Variants in POLA1 observed in about 807,000 individuals in gnomAD.
The protein encoded by POLA1 is DNA polymerase alpha catalytic subunit.
In POLA1, 15 loss-of-function variants were observed where a neutral mutation model predicts 124.0. That is an observed-to-expected ratio of 0.12 (90% CI 0.08 to 0.19). POLA1 has a LOEUF of 0.19. Among genes scored for constraint, POLA1 ranks in the 10% least tolerant of loss-of-function variants. POLA1 has a pLI of 1.00. For missense variants in POLA1, 886 were observed against 1,103.4 expected (o/e 0.80, Z 2.79); for synonymous variants, 408 against 389.4 (o/e 1.05, Z -0.56).
chrX:24,834,300 A>G (rs1310921202), intron 32 of POLA1, among the ~76,000 whole-genome samples: 1 of 111,689 alleles, frequency 9.0e-6, no homozygotes, highest in Admixed American at 9.5e-5. Context: ...CTTCTCCAGG[A>G]AAATAAAAAT....
chrX:24,721,685 G>A (rs996306420), intron 10 of POLA1, among the ~76,000 whole-genome samples: 5 of 111,947 alleles, frequency 4.5e-5, no homozygotes, highest in Non-Finnish European at 9.4e-5. Flanking sequence ...AATCCTGACT[G>A]CACCTGGTTT....
intron 34 of POLA1, among the ~76,000 whole-genome samples, chrX:24,854,008 A>G (rs1254930604): frequency 8.9e-6 from 1 of 112,260 alleles, no homozygotes; most frequent in Admixed American, 9.4e-5. Flanking sequence ...TGTGATGATG[A>G]GAAATACAAT....
At chrX:24,934,972 C>T (rs1417574630) in intron 36 of POLA1, among the ~76,000 whole-genome samples, 7 of 111,468 alleles carry the variant, frequency 6.3e-5, no homozygotes, top group Non-Finnish European at 1.3e-4. Context: ...CCAGTCGCCT[C>T]GGCCTCCCAA....
intron 34 of POLA1, among the ~76,000 whole-genome samples, chrX:24,851,206 A>G (rs2046555780): frequency 8.9e-6 from 1 of 112,337 alleles, no homozygotes; most frequent in African/African-American, 3.2e-5. Context: ...GAATATTACA[A>G]TAGCACAGAA....
At chrX:24,802,817 GT>G (rs1336371847) in intron 26 of POLA1, among the ~76,000 whole-genome samples, 2 of 111,392 alleles carry the variant, frequency 1.8e-5, no homozygotes, top group African/African-American at 6.5e-5. Flanking sequence ...GGCCAACATG[GT>G]GAAACCCCGT....
intron 32 of POLA1, among the ~76,000 whole-genome samples, chrX:24,836,925 G>T (rs1385285976): frequency 9.0e-6 from 1 of 111,464 alleles, no homozygotes; most frequent in Non-Finnish European, 1.9e-5. Flanking sequence ...TAGCCTGAAG[G>T]CAGTTTTATA....
chrX:24,764,509 T>A (rs1216873874), intron 26 of POLA1, among the ~76,000 whole-genome samples: 1 of 112,096 alleles, frequency 8.9e-6, no homozygotes, highest in African/African-American at 3.2e-5. Context: ...CTCTGCAACT[T>A]AATGAGCTCA....
chrX:24,856,312 T>A, intron 34 of POLA1, among the ~76,000 whole-genome samples: 1 of 112,420 alleles, frequency 8.9e-6, no homozygotes, highest in East Asian at 2.8e-4. Flanking sequence ...TTTGAGACTA[T>A]CTTCTTTCCC....
intron 35 of POLA1, among the ~76,000 whole-genome samples, chrX:24,895,740 G>A (rs776830977): frequency 8.9e-6 from 1 of 112,247 alleles, no homozygotes; most frequent in East Asian, 2.8e-4. Context: ...GGCTTCTGCA[G>A]TTCTTGGAGA....
chrX:24,918,082 T>C (rs2047559414), intron 35 of POLA1, among the ~76,000 whole-genome samples: 1 of 109,887 alleles, frequency 9.1e-6, no homozygotes, highest in Admixed American at 9.8e-5. Context: ...ATACCTGTTA[T>C]CATTAATGTG....
At chrX:24,738,884 C>T (rs771769512) in intron 19 of POLA1, among the ~76,000 whole-genome samples, 4 of 111,799 alleles carry the variant, frequency 3.6e-5, no homozygotes, top group Admixed American at 1.9e-4. Flanking sequence ...AAAGTTGGGG[C>T]CACTGCTCTT....
At chrX:24,879,017 T>C (rs1162540038) in intron 34 of POLA1, among the ~76,000 whole-genome samples, 1 of 111,880 alleles carries the variant, frequency 8.9e-6, no homozygotes, top group Admixed American at 9.5e-5. Context: ...AGTGATAGCA[T>C]TGTAGAGTAT....
intron 36 of POLA1, among the ~76,000 whole-genome samples, chrX:24,994,430 G>A (rs1439593343): frequency 8.9e-6 from 1 of 112,462 alleles, no homozygotes; most frequent in African/African-American, 3.2e-5. Flanking sequence ...TGTGAGTGGC[G>A]CGCTCTCCCC....
chrX:24,892,374 A>G (rs2147146072), intron 35 of POLA1, among the ~76,000 whole-genome samples: 1 of 111,601 alleles, frequency 9.0e-6, no homozygotes, highest in Admixed American at 9.6e-5. Flanking sequence ...ATACCCATGT[A>G]ACAAACATGT....
chrX:24,744,256 T>G (rs760293439), intron 23 of POLA1, among the ~76,000 whole-genome samples: 1 of 112,371 alleles, frequency 8.9e-6, no homozygotes, highest in African/African-American at 3.2e-5. Context: ...CTTGGTGTTA[T>G]GTAGGTCTGG....
intron 26 of POLA1, among the ~76,000 whole-genome samples, chrX:24,809,459 T>G (rs1193136097): frequency 9.0e-6 from 1 of 111,702 alleles, no homozygotes; most frequent in Non-Finnish European, 1.9e-5. Context: ...TCTACTCTCT[T>G]TCTTCAATGA....
At chrX:24,995,564 T>G (rs2048595625) in intron 36 of POLA1, among the ~76,000 whole-genome samples, 1 of 111,736 alleles carries the variant, frequency 8.9e-6, no homozygotes, top group Non-Finnish European at 1.9e-5. Flanking sequence ...CAGTAGAGGG[T>G]GGCCCTGTCC....
intron 34 of POLA1, among the ~76,000 whole-genome samples, chrX:24,877,256 A>C (rs1436968773): frequency 9.0e-6 from 1 of 111,483 alleles, no homozygotes; most frequent in Non-Finnish European, 1.9e-5. Flanking sequence ...TTTTTTGTCA[A>C]ATTTACCCAT....
intron 36 of POLA1, among the ~76,000 whole-genome samples, chrX:24,986,755 T>C (rs776076430): frequency 9.1e-6 from 1 of 110,287 alleles, no homozygotes; most frequent in South Asian, 4.0e-4. Context: ...TGTATGTATG[T>C]ATGTTTATAT....
Sources: allele counts gnomAD v4.1 joint callset (sites outside exome capture counted in the v4.1 genomes callset), GRCh38; gene constraint gnomAD v4.1.1; transcripts MANE v1.5; gene names NCBI Gene and HGNC (gene_info 2026-07-23, HGNC 2026-07-21).